The following CADPS variants were observed in gnomAD, a reference collection of about 807,000 sequenced individuals.
CADPS encodes calcium-dependent secretion activator 1.
A neutral mutation model predicts 167.3 loss-of-function variants in CADPS; 57 were observed. The observed-to-expected ratio is 0.34, with a 90% CI of 0.28 to 0.42. CADPS has a LOEUF of 0.42. CADPS is among the 20% of genes least tolerant of loss of function. CADPS has a pLI of 1.00. For missense variants in CADPS, 1,414 were observed against 1,738.1 expected (o/e 0.81, Z 3.32); for synonymous variants, 676 against 635.3 (o/e 1.06, Z -0.96).
intron 3 of CADPS, among the ~76,000 whole-genome samples, chr3:62,743,444 GTTTA>G (rs1564564724): frequency 1.3e-5 from 2 of 152,240 alleles, no homozygotes; most frequent in East Asian, 1.9e-4. Context: ...CCAACTCCTA[GTTTA>G]TTTATTAACT....
At chr3:62,540,047 T>G (rs1418089341) in intron 11 of CADPS, among the ~76,000 whole-genome samples, 1 of 152,178 alleles carries the variant, frequency 6.6e-6, no homozygotes, top group Non-Finnish European at 1.5e-5. Flanking sequence ...CTGGCATATA[T>G]TAAGGGCTCA....
At chr3:62,607,730 T>C (rs1030365357) in intron 6 of CADPS, among the ~76,000 whole-genome samples, 2 of 152,188 alleles carry the variant, frequency 1.3e-5, no homozygotes, top group Non-Finnish European at 2.9e-5. Flanking sequence ...GCTGCTTTCA[T>C]GGGCTGGGTT....
At chr3:62,824,014 G>C (rs899529076) in intron 1 of CADPS, among the ~76,000 whole-genome samples, 1 of 151,846 alleles carries the variant, frequency 6.6e-6, no homozygotes, top group East Asian at 1.9e-4. Flanking sequence ...AATGTGCAAG[G>C]GGAAAAACAG....
rs1191415125 is a variant in CADPS at position 62,516,573 on chromosome 3, T to C, written c.2457+7A>G. On this transcript the variant is annotated splice_region_variant and intron_variant, in intron 15 of 29. Transcript: ENST00000383710. ...ATATGTGATCTATCTTTTACTTTCA[T>C]TCTTACCCTTTCCAAGAGTGAGAGA... is the stretch of plus-strand genomic sequence containing the variant. The C allele has an allele frequency of 6.3e-7, 1 of 1,593,312 alleles. No homozygotes were observed.
intron 1 of CADPS, chr3:62,779,499 C>T: frequency 3.7e-6 from 2 of 539,606 alleles, no homozygotes; most frequent in Non-Finnish European, 7.6e-6. Flanking sequence ...TTTCCCTTCT[C>T]TGGCTTCAAT....
intron 11 of CADPS, among the ~76,000 whole-genome samples, chr3:62,542,545 G>A (rs114512005): frequency 0.01 from 1,579 of 152,210 alleles, 19 homozygotes; most frequent in African/African-American, 0.036. Flanking sequence ...GCTCTGCACA[G>A]CAAGCAAAAG....
chr3:62,508,549 T>C (rs1005846148), intron 17 of CADPS, among the ~76,000 whole-genome samples: 2 of 152,208 alleles, frequency 1.3e-5, no homozygotes, highest in African/African-American at 2.4e-5. Context: ...TCTTATTTCA[T>C]TGAAGTAAGA....
chr3:62,487,046 T>G (rs1436672762), intron 21 of CADPS, among the ~76,000 whole-genome samples: 1 of 152,192 alleles, frequency 6.6e-6, no homozygotes, highest in Non-Finnish European at 1.5e-5. Context: ...TGCCCCATCC[T>G]TGTTTTAGCT....
intron 28 of CADPS, among the ~76,000 whole-genome samples, chr3:62,409,433 T>G (rs1372690574): frequency 6.6e-6 from 1 of 152,218 alleles, no homozygotes; most frequent in African/African-American, 2.4e-5. Context: ...CTACATTTTA[T>G]GAAGATAGAA....
intron 6 of CADPS, among the ~76,000 whole-genome samples, chr3:62,642,414 T>A (rs1275475051): frequency 6.6e-6 from 1 of 152,138 alleles, no homozygotes; most frequent in Admixed American, 6.5e-5. Flanking sequence ...GGAAAATTTC[T>A]GGAATAATAA....
At chr3:62,678,758 C>G (rs1364087724) in intron 3 of CADPS, among the ~76,000 whole-genome samples, 2 of 151,568 alleles carry the variant, frequency 1.3e-5, no homozygotes, top group Non-Finnish European at 2.9e-5. Context: ...AAGGAAACTT[C>G]TGCAGCAGAG....
chr3:62,859,470 A>G (rs1008085752), intron 1 of CADPS, among the ~76,000 whole-genome samples: 1 of 152,172 alleles, frequency 6.6e-6, no homozygotes, highest in Non-Finnish European at 1.5e-5. Context: ...AAAACTGAAA[A>G]GCTCTTTGGA....
At chr3:62,442,754 G>T (rs2056563250) in intron 27 of CADPS, among the ~76,000 whole-genome samples, 1 of 152,062 alleles carries the variant, frequency 6.6e-6, no homozygotes, top group African/African-American at 2.4e-5. Flanking sequence ...GCACCTGATA[G>T]TCACACTCTG....
In CADPS at chr3:62,437,076, G is replaced by A. The variant is rs1341128773; in HGVS notation, c.3777+1028C>T. ...ACAGAAAAAAAAAAATAGAAACATGGATTCCATAGTAGACCAAAACATTAA... is the reference window on the plus strand; with the variant it reads ...ACAGAAAAAAAAAAATAGAAACATGAATTCCATAGTAGACCAAAACATTAA... On this transcript the variant is annotated intron_variant, in intron 28 of 29. Transcript: ENST00000383710. 1.4e-4 allele frequency among the ~76,000 whole-genome samples: 21 copies of A among 151,816 alleles called. 1 individual carries two copies. The highest frequency in any genetic ancestry group is 2.9e-4 in the Non-Finnish European group (20 of 67,976).
At chr3:62,798,374 CT>C (rs1194457169) in intron 1 of CADPS, among the ~76,000 whole-genome samples, 2 of 152,114 alleles carry the variant, frequency 1.3e-5, no homozygotes, top group African/African-American at 4.8e-5. Flanking sequence ...AAGCTGTATG[CT>C]TCCTGCTCTT....
intron 18 of CADPS, among the ~76,000 whole-genome samples, chr3:62,498,869 A>G (rs1291867800): frequency 1.7e-5 from 2 of 117,860 alleles, no homozygotes; most frequent in Non-Finnish European, 4.3e-5. Context: ...TGTTCTGGAC[A>G]ATGGTAACCA....
chr3:62,831,252 A>G (rs967138401), intron 1 of CADPS, among the ~76,000 whole-genome samples: 10 of 152,168 alleles, frequency 6.6e-5, no homozygotes, highest in African/African-American at 2.4e-4. Flanking sequence ...CGAAGTAAAC[A>G]TTATCTTCAT....
intron 28 of CADPS, among the ~76,000 whole-genome samples, chr3:62,428,420 T>A (rs2149549168): frequency 6.7e-6 from 1 of 149,000 alleles, no homozygotes. Flanking sequence ...TGATCTAACG[T>A]GCTGTTCCAG....
chr3:62,492,246 T>G, intron 20 of CADPS, 44 bp downstream of exon 20: 1 of 1,555,330 alleles, frequency 6.4e-7, no homozygotes, highest in Non-Finnish European at 8.9e-7. Flanking sequence ...TCTGTTTATC[T>G]GCACACTACT....
Sources: allele counts gnomAD v4.1 joint callset (sites outside exome capture counted in the v4.1 genomes callset), GRCh38; gene constraint gnomAD v4.1.1; transcripts MANE v1.5; gene names NCBI Gene and HGNC (gene_info 2026-07-23, HGNC 2026-07-21).